Variants in RBFOX1 observed in about 807,000 individuals in gnomAD.
RBFOX1 encodes RNA binding protein fox-1 homolog 1.
In RBFOX1, 8 loss-of-function variants were observed where a neutral mutation model predicts 57.7. That is an observed-to-expected ratio of 0.14 (90% CI 0.08 to 0.25). RBFOX1 has a LOEUF of 0.25. RBFOX1 is among the 10% of genes least tolerant of loss of function. The pLI is 1.00. For missense variants in RBFOX1, 611 were observed against 548.5 expected (o/e 1.11, Z -1.14); for synonymous variants, 326 against 222.4 (o/e 1.47, Z -4.15).
At chr16:7,176,343 G>A (rs1473927924) in intron 4 of RBFOX1, among the ~76,000 whole-genome samples, 1 of 151,718 alleles carries the variant, frequency 6.6e-6, no homozygotes. Context: ...TTACATCTTT[G>A]GCACTGGGAA....
chr16:5,605,711 C>G (rs573680178), intron 3 of RBFOX1, among the ~76,000 whole-genome samples: 1 of 151,474 alleles, frequency 6.6e-6, no homozygotes, highest in South Asian at 2.1e-4. Context: ...TACCTCAGGT[C>G]TAGGAGGGGA....
intron 2 of RBFOX1, among the ~76,000 whole-genome samples, chr16:6,444,685 C>T (rs1029863120): frequency 6.6e-6 from 1 of 151,540 alleles, no homozygotes; most frequent in African/African-American, 2.4e-5. Flanking sequence ...TTAAAATGGA[C>T]TAATACAAGG....
chr16:6,844,761 G>C (rs771818144), intron 3 of RBFOX1, among the ~76,000 whole-genome samples: 4 of 152,144 alleles, frequency 2.6e-5, no homozygotes, highest in Admixed American at 2.0e-4. Flanking sequence ...GGAATTGTTA[G>C]ACCATCTTCT....
chr16:6,977,439 C>G (rs549483373), intron 3 of RBFOX1, among the ~76,000 whole-genome samples: 2 of 152,018 alleles, frequency 1.3e-5, no homozygotes, highest in Admixed American at 6.6e-5. Context: ...TTCCCTTAAC[C>G]ATACACATCT....
At chr16:6,508,326 C>G (rs759157114) in intron 2 of RBFOX1, among the ~76,000 whole-genome samples, 1 of 152,020 alleles carries the variant, frequency 6.6e-6, no homozygotes, top group Non-Finnish European at 1.5e-5. Context: ...CACAAGTTAC[C>G]TATGTAACAA....
At chr16:5,651,434 C>A (rs1567348327) in intron 3 of RBFOX1, among the ~76,000 whole-genome samples, 2 of 152,216 alleles carry the variant, frequency 1.3e-5, no homozygotes, top group African/African-American at 2.4e-5. Flanking sequence ...GTCTCTGCTG[C>A]CACCCCAGGT....
chr16:5,992,688 C>G (rs1293655042), intron 4 of RBFOX1, among the ~76,000 whole-genome samples: 1 of 152,190 alleles, frequency 6.6e-6, no homozygotes, highest in African/African-American at 2.4e-5. Flanking sequence ...AATCCCAGCA[C>G]TTTGGGAGGC....
chr16:7,226,202 T>A (rs2093106772), intron 4 of RBFOX1, among the ~76,000 whole-genome samples: 1 of 152,146 alleles, frequency 6.6e-6, no homozygotes, highest in Non-Finnish European at 1.5e-5. Context: ...CCTGTGCACA[T>A]CCCTGAGCCA....
intron 3 of RBFOX1, among the ~76,000 whole-genome samples, chr16:6,927,137 T>TA (rs1491297913): frequency 1.3e-5 from 2 of 152,062 alleles, no homozygotes; most frequent in African/African-American, 2.4e-5. Flanking sequence ...CCTAGAGACT[T>TA]AGAGGGTCCC....
rs567136849 is a variant in RBFOX1, at chr16:7,053,518, T to C, written c.27+1420T>C. On this transcript the variant is annotated intron_variant, in intron 4 of 15. Coordinates refer to ENST00000550418, the MANE Select transcript of RBFOX1 (RefSeq NM_018723.4). ...GGTCAGAGCTAGATAAAGAGAAATATGTGCCTTTGTCTCCAGGAGTCCCTG... is the reference window on the plus strand; with the variant it reads ...GGTCAGAGCTAGATAAAGAGAAATACGTGCCTTTGTCTCCAGGAGTCCCTG... 5.9e-5 allele frequency among the ~76,000 whole-genome samples: 9 copies of C among 152,342 alleles called. No individual in the cohort carries two copies. In the South Asian group the frequency reaches 1.2e-3, roughly 21 times the overall value.
intron 2 of RBFOX1, among the ~76,000 whole-genome samples, chr16:6,484,105 C>G (rs1206888285): frequency 6.6e-6 from 1 of 152,132 alleles, no homozygotes; most frequent in East Asian, 1.9e-4. Flanking sequence ...TGCCAATGCT[C>G]ATTGGCTCCG....
At chr16:7,579,312 G>A (rs989992523) in intron 5 of RBFOX1, among the ~76,000 whole-genome samples, 6 of 152,200 alleles carry the variant, frequency 3.9e-5, no homozygotes, top group African/African-American at 1.4e-4. Flanking sequence ...CAATTATGTA[G>A]GCATATCTTC....
rs371398231 is a variant in RBFOX1, at chr16:6,812,489, A to G, written c.-16+157839A>G. On this transcript the variant is annotated intron_variant, in intron 3 of 15. Coordinates refer to ENST00000550418, the MANE Select transcript of RBFOX1 (RefSeq NM_018723.4). The stretch of plus-strand genomic sequence containing the variant: ...CTAGGGTTCAAGTGATTCTCTTGCC[A>G]TAGCCTACTGAGTAGCTGGGATTAC... Among the ~76,000 whole-genome samples the G allele has an allele frequency of 3.2e-4, 49 of 152,018 alleles. No individual in the cohort carries two copies. In the East Asian group the frequency reaches 7.2e-3, roughly 22 times the overall value.
At chr16:5,630,682 G>A (rs1191388728) in intron 3 of RBFOX1, among the ~76,000 whole-genome samples, 1 of 152,074 alleles carries the variant, frequency 6.6e-6, no homozygotes, top group African/African-American at 2.4e-5. Flanking sequence ...AAGCCAAGCC[G>A]GCTTCTTATT....
chr16:7,472,627 C>A (rs9926364), intron 4 of RBFOX1, among the ~76,000 whole-genome samples: 146,629 of 152,338 alleles, frequency 0.96, 70,803 homozygotes, highest in East Asian at 1. Flanking sequence ...TCTTCTCCTC[C>A]GAGACTGCAC....
chr16:5,492,721 G>A (rs569045920), intron 2 of RBFOX1, among the ~76,000 whole-genome samples: 12 of 152,296 alleles, frequency 7.9e-5, no homozygotes, highest in Admixed American at 5.9e-4. Context: ...TGCAAGATCC[G>A]TCAGTGCCCC....
chr16:6,712,055 A>C (rs1416617354), intron 3 of RBFOX1, among the ~76,000 whole-genome samples: 2 of 152,154 alleles, frequency 1.3e-5, no homozygotes, highest in Admixed American at 6.5e-5. Context: ...GTCCATCAGG[A>C]AAGATATTTC....
intron 3 of RBFOX1, among the ~76,000 whole-genome samples, chr16:6,792,790 G>A (rs987211774): frequency 6.6e-6 from 1 of 152,152 alleles, no homozygotes; most frequent in African/African-American, 2.4e-5. Flanking sequence ...CAGCACTCTG[G>A]GAGGCCGAGG....
chr16:7,442,988 A>G (rs1165781176), intron 4 of RBFOX1, among the ~76,000 whole-genome samples: 1 of 152,198 alleles, frequency 6.6e-6, no homozygotes, highest in African/African-American at 2.4e-5. Context: ...CCCATAGTGC[A>G]CTGGGAAGGA....
Sources: allele counts gnomAD v4.1 joint callset (sites outside exome capture counted in the v4.1 genomes callset), GRCh38; gene constraint gnomAD v4.1.1; transcripts MANE v1.5; gene names NCBI Gene and HGNC (gene_info 2026-07-23, HGNC 2026-07-21).